HAO1: variants seen among roughly 807,000 people sequenced by gnomAD.
HAO1 encodes hydroxyacid oxidase 1.
Under a neutral mutation model 39.7 loss-of-function variants are expected in HAO1, and 34 were observed. The ratio of observed to expected loss-of-function variants is 0.86; its 90% CI spans 0.65 to 1.14. HAO1 has a LOEUF of 1.14. Ranked by LOEUF, HAO1 falls within the 50% of genes most tolerant of loss-of-function variation. HAO1 has a pLI of 0.00. For missense variants in HAO1, 479 were observed against 464.5 expected (o/e 1.03, Z -0.29); for synonymous variants, 172 against 173.2 (o/e 0.99, Z 0.05).
intron 3 of HAO1, among the ~76,000 whole-genome samples, chr20:7,909,375 A>ATATATATG (rs1311223380): frequency 2.0e-5 from 2 of 99,778 alleles, no homozygotes; most frequent in African/African-American, 5.5e-5. Flanking sequence ...ATATATATAT[A>ATATATATG]TATGTATATA....
At chr20:7,921,332 G>A (rs139012498) in intron 2 of HAO1, among the ~76,000 whole-genome samples, 11 of 152,040 alleles carry the variant, frequency 7.2e-5, no homozygotes, top group African/African-American at 2.7e-4. Flanking sequence ...GCATAAAAGA[G>A]GCTGATAAAT....
At chr20:7,900,136 T>G (rs972627095) in intron 4 of HAO1, among the ~76,000 whole-genome samples, 7 of 152,092 alleles carry the variant, frequency 4.6e-5, no homozygotes, top group Non-Finnish European at 8.8e-5. Context: ...CCAGGAACAT[T>G]AAGCGCATAT....
intron 1 of HAO1, among the ~76,000 whole-genome samples, chr20:7,936,548 T>TGTGTGTGTGTGTGTGTGTGTGAG: frequency 2.0e-5 from 1 of 50,754 alleles, no homozygotes; most frequent in African/African-American, 5.8e-5. Flanking sequence ...GTGTGTGTGT[T>TGTGTGTGTGTGTGTGTGTGTGAG]CGCGCGCGCG....
intron 4 of HAO1, among the ~76,000 whole-genome samples, chr20:7,896,479 T>C (rs2050198364): frequency 6.6e-6 from 1 of 152,162 alleles, no homozygotes; most frequent in Non-Finnish European, 1.5e-5. Context: ...TATGCTATCA[T>C]TTTCCAAACT....
intron 2 of HAO1, among the ~76,000 whole-genome samples, chr20:7,926,357 G>A (rs2050359231): frequency 6.6e-6 from 1 of 152,122 alleles, no homozygotes. Flanking sequence ...GAGTAAAAAT[G>A]TTCCTTAAAG....
chr20:7,914,171 G>A lies in HAO1; in HGVS notation c.538C>T (p.Gln180Ter), dbSNP rs1269941997. The change falls in exon 3 of 8, where the codon CAA becomes TAA. Residue 180 changes from glutamine (Q) to a stop codon, truncating the protein, a stop_gained. Transcript: ENST00000378789. LOFTEE classifies it high-confidence loss of function. The stretch of plus-strand genomic sequence containing the variant: ...CCACATGATCATGGTTACCTGAGTT[G>A]TGGCGGCAGTTTGAATCTGTTACGC... ...DVRNRFKLPP[Q>*]LRMKNFETST... 6.2e-7 allele frequency: 1 copy of A among 1,613,914 alleles called. No homozygotes were observed. The highest frequency in any genetic ancestry group is 1.1e-5 in the South Asian group (1 of 91,086).
intron 4 of HAO1, 83 bp downstream of exon 4, chr20:7,906,071 G>T: frequency 3.2e-6 from 3 of 951,770 alleles, no homozygotes; most frequent in Admixed American, 4.2e-5. Context: ...ATTTTTCCTT[G>T]TTATTTTCCT....
At chr20:7,911,957 G>A (rs761122748) in intron 3 of HAO1, among the ~76,000 whole-genome samples, 1 of 152,186 alleles carries the variant, frequency 6.6e-6, no homozygotes, top group Non-Finnish European at 1.5e-5. Flanking sequence ...GCTGAATGTG[G>A]GCCACTGAGG....
intron 3 of HAO1, among the ~76,000 whole-genome samples, chr20:7,912,380 A>T (rs1600113605): frequency 1.3e-5 from 2 of 152,272 alleles, no homozygotes; most frequent in East Asian, 3.9e-4. Context: ...TGGTATCCAG[A>T]ACAAGAAAGT....
rs2050135861 is a variant in HAO1, at chr20:7,883,340, T to G, written c.*253A>C. On this transcript the variant is annotated 3_prime_UTR_variant, in exon 8 of 8. Coordinates refer to ENST00000378789, the MANE Select transcript of HAO1 (RefSeq NM_017545.3). ...AGGGGATGACGTTGTCTAAACACAT[T>G]TTCAATGTTTTCTTTTTAACAGTTA... The G allele has an allele frequency of 2.0e-6, 1 of 509,104 alleles. No individual in the cohort carries two copies. The highest frequency in any genetic ancestry group is 3.5e-6 in the Non-Finnish European group (1 of 282,876). 31.5% of individuals were successfully genotyped at this position (509,104 alleles called of 1,614,324 possible).
intron 1 of HAO1, among the ~76,000 whole-genome samples, chr20:7,936,563 C>A (rs1029563416): frequency 7.9e-5 from 9 of 114,198 alleles, no homozygotes; most frequent in African/African-American, 3.1e-4. Context: ...CGCGCGCGCG[C>A]GCGTGCGTGC....
rs574367989 is a variant in HAO1 at position 7,929,735 on chromosome 20, G to A, written c.289+4749C>T. The stretch of plus-strand genomic sequence containing the variant: ...AAAAATTAGCCAGCCGTCGCGGTGC[G>A]TGCCTATAGTCCTAGCTACCCAGGA... On this transcript the variant is annotated intron_variant, in intron 2 of 7. Transcript: ENST00000378789. Among the ~76,000 whole-genome samples the A allele has an allele frequency of 2.2e-4, 33 of 152,172 alleles. No homozygotes were observed. In the South Asian group the frequency reaches 6.0e-3, roughly 28 times the overall value.
chr20:7,911,186 T>C (rs1165333477), intron 3 of HAO1, among the ~76,000 whole-genome samples: 1 of 152,106 alleles, frequency 6.6e-6, no homozygotes, highest in African/African-American at 2.4e-5. Flanking sequence ...TCACATTGAG[T>C]CTACTTTAAA....
At chr20:7,914,039 A>G in intron 3 of HAO1, 125 bp downstream of exon 3, 2 of 996,928 alleles carry the variant, frequency 2.0e-6, no homozygotes, top group Non-Finnish European at 3.0e-6. Context: ...TGTCTACAAA[A>G]GGGATGTGAT....
chr20:7,928,148 C>T (rs2050367937), intron 2 of HAO1, among the ~76,000 whole-genome samples: 1 of 152,152 alleles, frequency 6.6e-6, no homozygotes, highest in Non-Finnish European at 1.5e-5. Context: ...AGTTACATAT[C>T]TTGTTCCTCT....
chr20:7,919,499 T>G (rs756708197), intron 2 of HAO1, among the ~76,000 whole-genome samples: 1 of 152,082 alleles, frequency 6.6e-6, no homozygotes, highest in South Asian at 2.1e-4. Flanking sequence ...GCATCAAAGA[T>G]AAGGCTACCT....
rs958976287 is a variant in HAO1 at position 7,932,579 on chromosome 20, T to C, written c.289+1905A>G. ...ATAAACATTTGTAAATTGTGATCTT[T>C]GAAACTAAATGTATTTTAGGACCTG... On this transcript the variant is annotated intron_variant, in intron 2 of 7. Coordinates refer to ENST00000378789, the MANE Select transcript of HAO1 (RefSeq NM_017545.3). Among the ~76,000 whole-genome samples the C allele has an allele frequency of 4.6e-5, 7 of 152,208 alleles. No individual in the cohort carries two copies. The South Asian group carries it at 1.4e-3, about 31-fold the overall frequency.
At chr20:7,929,282 A>C (rs1401699447) in intron 2 of HAO1, among the ~76,000 whole-genome samples, 1 of 152,172 alleles carries the variant, frequency 6.6e-6, no homozygotes, top group Non-Finnish European at 1.5e-5. Context: ...TGTGTGAAAG[A>C]TAAAGATTTC....
chr20:7,939,174 C>T (rs6118012), intron 1 of HAO1, among the ~76,000 whole-genome samples: 2 of 152,102 alleles, frequency 1.3e-5, no homozygotes, highest in Non-Finnish European at 2.9e-5. Flanking sequence ...GTCAACTTCC[C>T]TTCCCATGAC....
Sources: gnomAD v4.1 joint callset for allele counts (sites outside exome capture counted in the v4.1 genomes callset) on GRCh38, gnomAD v4.1.1 for gene constraint, MANE v1.5 for transcripts, NCBI Gene and HGNC (gene_info 2026-07-23, HGNC 2026-07-21) for gene names.